PIEZO2: variants seen among roughly 807,000 people sequenced by gnomAD.
PIEZO2 encodes piezo type mechanosensitive ion channel component 2.
In PIEZO2, 172 loss-of-function variants were observed where a neutral mutation model predicts 337.3. The observed-to-expected ratio is 0.51, with a 90% CI of 0.45 to 0.58. PIEZO2 has a LOEUF of 0.58. Ranked by LOEUF, PIEZO2 falls within the 20% of genes least tolerant of loss-of-function variation. The pLI is 0.00. For missense variants in PIEZO2, 3,028 were observed against 3,391.3 expected (o/e 0.89, Z 2.66); for synonymous variants, 1,251 against 1,228.5 (o/e 1.02, Z -0.38).
intron 21 of PIEZO2, among the ~76,000 whole-genome samples, chr18:10,764,076 G>A (rs984769847): frequency 1.8e-4 from 28 of 152,154 alleles, no homozygotes; most frequent in African/African-American, 6.5e-4. Context: ...ATGCGAGTTC[G>A]TTGATCAGGC....
Position 10,940,103 on chromosome 18 carries a change from G to A in PIEZO2, c.287-28875C>T, listed in dbSNP as rs982878140. On this transcript the variant is annotated intron_variant, in intron 3 of 55. Transcript: ENST00000674853. The surrounding 1 kb of genome is among the most constrained non-coding windows in gnomAD (Gnocchi z 5.3). ...AGAAACAAACTCCAGGGAGTGGTTC[G>A]CCAGCCTTTCCTACAAAAAAACACA... 1.3e-5 allele frequency among the ~76,000 whole-genome samples: 2 copies of A among 152,062 alleles called. No individual in the cohort carries two copies. Among genetic ancestry groups the A allele is most frequent in the African/African-American group, 4.8e-5 (2 of 41,386 alleles).
rs1286902090 is a variant in PIEZO2 at position 10,952,472 on chromosome 18, T to C, written c.286+27063A>G. ...ATTGTAAATATAATCATATAGTATG[T>C]AGCATTCTGATACTGTCTGAATTCA... On this transcript the variant is annotated intron_variant, in intron 3 of 55. Transcript: ENST00000674853. The surrounding 1 kb of genome is among the most constrained non-coding windows in gnomAD (Gnocchi z 4.1). Among the ~76,000 whole-genome samples the C allele has an allele frequency of 6.6e-6, 1 of 152,198 alleles. No individual in the cohort carries two copies. Among genetic ancestry groups the C allele is most frequent in the South Asian group, 2.1e-4 (1 of 4,830 alleles).
chr18:10,708,897 C>T (rs1354862693), intron 39 of PIEZO2, among the ~76,000 whole-genome samples: 1 of 151,986 alleles, frequency 6.6e-6, no homozygotes, highest in Non-Finnish European at 1.5e-5. Flanking sequence ...TAAAATATTT[C>T]AATCTTTTTT....
chr18:10,762,811 T>C (rs892604203), intron 22 of PIEZO2, 111 bp downstream of exon 22: 10 of 1,363,236 alleles, frequency 7.3e-6, no homozygotes, highest in Non-Finnish European at 9.8e-6. Flanking sequence ...CAGGGAGAGG[T>C]GACTTACAAG....
In PIEZO2 at chr18:10,715,806, G is replaced by A; in HGVS notation, c.5100C>T (p.Ile1700=). The A allele has an allele frequency of 6.6e-7, 1 of 1,526,506 alleles. No individual in the cohort carries two copies. Among genetic ancestry groups the A allele is most frequent in the Non-Finnish European group, 8.8e-7 (1 of 1,139,708 alleles). The allele number at this position is 1,526,506 out of a possible 1,614,324, so 94.6% of individuals were successfully genotyped here. A position where few individuals can be genotyped will look rare whatever the true frequency, so the allele number is the denominator to read the frequency against. ...KKKSDGPDNI[I]KRIFNILKFT... The stretch of plus-strand genomic sequence containing the variant: ...ATTTCAAAATATTAAATATCCTCTT[G>A]ATGATATTATCTAGGAGGAAGAAAG... Residue 1700 remains isoleucine (I), a synonymous_variant, in exon 38 of 56, where the codon ATC becomes ATT. Transcript: ENST00000674853.
At position 10,672,730 on chromosome 18, in the gene PIEZO2, T is replaced by C; in HGVS notation, c.8305A>G (p.Lys2769Glu). ...AACCCCAGACTTGGGGGACTGACTT[T>C]GTCATTGAAGACCACCAGTTCCAGG... The part of the protein sequence containing the change: ...QALELVVFND[K>E]VSPPSLGFLA... Residue 2769 changes from lysine (K) to glutamate (E), a missense_variant, in exon 55 of 56, where the codon AAA becomes GAA. Around this residue, in one of 5 missense-constraint regions of PIEZO2, gnomAD observed 332 missense variants for 363.8 expected, o/e 0.91. Transcript: ENST00000674853. This position sits in a 1 kb window ranked among gnomAD's most constrained non-coding sequence, Gnocchi z 4.7. 2 of 1,614,100 alleles carry C rather than the reference T, an allele frequency of 1.2e-6. No homozygotes were observed. Among genetic ancestry groups the C allele is most frequent in the Non-Finnish European group, 1.7e-6 (2 of 1,179,992 alleles).
chr18:10,883,816 C>CT (rs71169957), intron 4 of PIEZO2, among the ~76,000 whole-genome samples: 49 of 122,802 alleles, frequency 4.0e-4, no homozygotes, highest in Non-Finnish European at 4.4e-4. Context: ...AGTCCTACTT[C>CT]TTTTTTTTTT....
chr18:10,731,941 T>C (rs971688456), intron 35 of PIEZO2, among the ~76,000 whole-genome samples: 1 of 152,214 alleles, frequency 6.6e-6, no homozygotes, highest in Admixed American at 6.5e-5. Context: ...TTATTTACTT[T>C]GGGAAAATAG....
At chr18:10,709,935 A>G (rs1195360123) in intron 39 of PIEZO2, among the ~76,000 whole-genome samples, 1 of 152,222 alleles carries the variant, frequency 6.6e-6, no homozygotes, top group Admixed American at 6.5e-5. Flanking sequence ...AAATGAGGAG[A>G]CAATGACAAG....
chr18:10,686,547 CTG>C (rs1385840732), intron 49 of PIEZO2, among the ~76,000 whole-genome samples: 1 of 152,196 alleles, frequency 6.6e-6, no homozygotes, highest in Non-Finnish European at 1.5e-5. Flanking sequence ...CAAACATTTA[CTG>C]TGTGTCTAGG....
In PIEZO2 at chr18:10,862,388, G is replaced by A. The variant is rs1194926910; in HGVS notation, c.493-5177C>T. Among the ~76,000 whole-genome samples, 1 of 152,132 alleles carries A rather than the reference G, an allele frequency of 6.6e-6. No homozygotes were observed. Among genetic ancestry groups the A allele is most frequent in the African/African-American group, 2.4e-5 (1 of 41,414 alleles). On this transcript the variant is annotated intron_variant, in intron 5 of 55. Coordinates refer to ENST00000674853, the MANE Select transcript of PIEZO2 (RefSeq NM_001378183.1). This position sits in a 1 kb window ranked among gnomAD's most constrained non-coding sequence, Gnocchi z 4.4. ...CCAGCCTGTTCTCTGTTAGGGCCCT[G>A]AATGAGGGCCTAAACACAAAGCTCT...
chr18:10,741,830 C>A (rs1423974975), intron 32 of PIEZO2, among the ~76,000 whole-genome samples: 2 of 151,956 alleles, frequency 1.3e-5, no homozygotes, highest in Non-Finnish European at 2.9e-5. Flanking sequence ...TAGCAGTATA[C>A]TGTATATCGG....
chr18:10,746,202 G>A lies in PIEZO2; in HGVS notation c.4425-1971C>T, dbSNP rs78704897. ...AGTGAGCTTCCTGAAATGCAAACAC[G>A]TCATATTACTTGCTTGTTTAAACAC... On this transcript the variant is annotated intron_variant, in intron 30 of 55. Coordinates refer to ENST00000674853, the MANE Select transcript of PIEZO2 (RefSeq NM_001378183.1). This position sits in a 1 kb window ranked among gnomAD's most constrained non-coding sequence, Gnocchi z 4.2. 2.9e-4 allele frequency among the ~76,000 whole-genome samples: 44 copies of A among 152,286 alleles called. No individual in the cohort carries two copies. The East Asian group carries it at 7.9e-3, about 27-fold the overall frequency.
intron 20 of PIEZO2, 109 bp from the exon 21 acceptor site, chr18:10,770,417 G>A (rs2038551255): frequency 8.6e-7 from 1 of 1,165,180 alleles, no homozygotes; most frequent in Non-Finnish European, 1.2e-6. Flanking sequence ...AATAATTACA[G>A]TGGATGAATT....
chr18:11,135,133 CTT>C (rs2040446322), intron 1 of PIEZO2, among the ~76,000 whole-genome samples: 1 of 152,026 alleles, frequency 6.6e-6, no homozygotes, highest in East Asian at 1.9e-4. Context: ...TATTTAGAGA[CTT>C]TCACAATAAG....
chr18:10,906,817 T>C (rs2029981897), intron 4 of PIEZO2, among the ~76,000 whole-genome samples: 1 of 152,066 alleles, frequency 6.6e-6, no homozygotes, highest in Non-Finnish European at 1.5e-5. Flanking sequence ...CACCTAGGCC[T>C]CCCAAAGTGC....
intron 7 of PIEZO2, among the ~76,000 whole-genome samples, chr18:10,840,676 G>A (rs770214209): frequency 6.6e-6 from 1 of 152,036 alleles, no homozygotes; most frequent in East Asian, 1.9e-4. Context: ...TATGTAATTG[G>A]ATAATACTGA....
chr18:10,723,108 C>T (rs1331419910), intron 36 of PIEZO2, among the ~76,000 whole-genome samples: 3 of 151,958 alleles, frequency 2.0e-5, no homozygotes, highest in East Asian at 1.9e-4. Context: ...GCTGGGATTA[C>T]AGGCATGGAC....
At chr18:10,814,061 T>G (rs996463668) in intron 7 of PIEZO2, among the ~76,000 whole-genome samples, 1 of 151,758 alleles carries the variant, frequency 6.6e-6, no homozygotes, top group Admixed American at 6.6e-5. Flanking sequence ...TCCACCTCCC[T>G]GGTTCATGCC....
Sources: allele counts gnomAD v4.1 joint callset (sites outside exome capture counted in the v4.1 genomes callset), GRCh38; gene constraint gnomAD v4.1.1; regional missense constraint gnomAD v4.1.1; non-coding constraint Gnocchi (gnomAD v3.1); transcripts MANE v1.5; gene names NCBI Gene and HGNC (gene_info 2026-07-23, HGNC 2026-07-21).